Variants in PLPPR1 observed in about 807,000 individuals in gnomAD.
PLPPR1 encodes the protein phospholipid phosphatase-related protein type 1.
PLPPR1 carries 10 observed loss-of-function variants against 33.1 expected under a neutral mutation model. The observed-to-expected ratio is 0.30, with a 90% CI of 0.19 to 0.51. The LOEUF is 0.51. Among genes scored for constraint, PLPPR1 ranks in the 20% least tolerant of loss-of-function variants. PLPPR1 has a pLI of 0.97. For synonymous variants in PLPPR1, 151 were observed against 151.0 expected (o/e 1.00, Z 0.00); for missense variants, 304 against 408.1 (o/e 0.74, Z 2.20).
intron 2 of PLPPR1, among the ~76,000 whole-genome samples, chr9:101,222,738 TG>T (rs1315486716): frequency 2.0e-5 from 3 of 152,196 alleles, no homozygotes; most frequent in Admixed American, 1.3e-4. Flanking sequence ...TGAGTTTGCA[TG>T]GGAACAGTAG....
chr9:101,123,496 AT>A (rs1831201526), intron 1 of PLPPR1, among the ~76,000 whole-genome samples: 1 of 152,136 alleles, frequency 6.6e-6, no homozygotes, highest in African/African-American at 2.4e-5. Flanking sequence ...GAGTCAAAGG[AT>A]TGAGAAAAAG....
chr9:101,037,769 A>C (rs1256809876), intron 1 of PLPPR1, among the ~76,000 whole-genome samples: 1 of 152,068 alleles, frequency 6.6e-6, no homozygotes, highest in African/African-American at 2.4e-5. Flanking sequence ...TATTAACTGG[A>C]AAAAACATTA....
chr9:101,227,968 G>A (rs1827105375), intron 2 of PLPPR1, among the ~76,000 whole-genome samples: 1 of 152,072 alleles, frequency 6.6e-6, no homozygotes, highest in Non-Finnish European at 1.5e-5. Flanking sequence ...TAGCAGAGAT[G>A]GGGTTTCACC....
chr9:101,180,123 TATATATATATATATATATATAC>T (rs1171817794), intron 1 of PLPPR1, among the ~76,000 whole-genome samples: 3,515 of 42,916 alleles, frequency 0.082, 310 homozygotes, highest in African/African-American at 0.21. Flanking sequence ...TATATATATA[TATATATATATATATATATATAC>T]ACACACACAC....
At chr9:101,053,657 G>T (rs908980323) in intron 1 of PLPPR1, among the ~76,000 whole-genome samples, 2 of 152,158 alleles carry the variant, frequency 1.3e-5, no homozygotes, top group African/African-American at 4.8e-5. Context: ...TATGTTGAAT[G>T]AATGAACAAG....
intron 2 of PLPPR1, among the ~76,000 whole-genome samples, chr9:101,225,431 G>A (rs1438889663): frequency 6.6e-6 from 1 of 152,110 alleles, no homozygotes; most frequent in African/African-American, 2.4e-5. Flanking sequence ...CTCTGTGCAG[G>A]GCTGACTGGC....
At chr9:101,260,314 G>T (rs992794380) in intron 2 of PLPPR1, among the ~76,000 whole-genome samples, 3 of 152,106 alleles carry the variant, frequency 2.0e-5, no homozygotes, top group African/African-American at 7.2e-5. Context: ...CCTTAGGATG[G>T]TTAACTCTTT....
chr9:101,204,236 T>G (rs1826548628), intron 2 of PLPPR1, among the ~76,000 whole-genome samples: 1 of 152,160 alleles, frequency 6.6e-6, no homozygotes. Flanking sequence ...TCAAGCCCAT[T>G]GGAGATTTGT....
intron 1 of PLPPR1, among the ~76,000 whole-genome samples, chr9:101,059,634 T>A (rs1830319896): frequency 6.6e-6 from 1 of 151,896 alleles, no homozygotes; most frequent in South Asian, 2.1e-4. Context: ...CCACAAATAA[T>A]CAAATTAAAA....
chr9:101,119,478 G>T (rs1427167879), intron 1 of PLPPR1, among the ~76,000 whole-genome samples: 4 of 152,216 alleles, frequency 2.6e-5, no homozygotes, highest in Non-Finnish European at 5.9e-5. Context: ...TATCAGGACA[G>T]GTATCTGCAT....
chr9:101,287,834 A>G (rs750406998), intron 4 of PLPPR1, among the ~76,000 whole-genome samples: 1 of 152,124 alleles, frequency 6.6e-6, no homozygotes, highest in Non-Finnish European at 1.5e-5. Context: ...AGTTGTACAT[A>G]TGAAGAATCT....
chr9:101,155,602 C>CT (rs1422672005), intron 1 of PLPPR1, among the ~76,000 whole-genome samples: 1 of 95,234 alleles, frequency 1.1e-5, no homozygotes, highest in East Asian at 2.2e-4. Context: ...CTCTCTCTCT[C>CT]TCTTTTTTTT....
At chr9:101,212,961 C>T (rs895505008) in intron 2 of PLPPR1, among the ~76,000 whole-genome samples, 2 of 152,100 alleles carry the variant, frequency 1.3e-5, no homozygotes, top group Non-Finnish European at 2.9e-5. Context: ...TGTTCTCTGC[C>T]TGTTGTAGTC....
intron 4 of PLPPR1, among the ~76,000 whole-genome samples, chr9:101,289,271 C>T (rs926347012): frequency 3.9e-5 from 6 of 152,178 alleles, no homozygotes; most frequent in African/African-American, 7.2e-5. Flanking sequence ...CTAGTTGCCT[C>T]GTCTTCTAGG....
chr9:101,291,833 G>C (rs1025479071), intron 4 of PLPPR1, among the ~76,000 whole-genome samples: 1 of 152,158 alleles, frequency 6.6e-6, no homozygotes, highest in South Asian at 2.1e-4. Flanking sequence ...AAACGACAAA[G>C]ATGGGGAAAA....
chr9:101,307,594 A>G (rs1327950073), intron 4 of PLPPR1, among the ~76,000 whole-genome samples: 1 of 152,234 alleles, frequency 6.6e-6, no homozygotes, highest in African/African-American at 2.4e-5. Flanking sequence ...TCTCATTATG[A>G]TAAAGCACAT....
In PLPPR1 at chr9:101,269,973, G is replaced by A. The variant is rs368320785; in HGVS notation, c.157G>A (p.Gly53Arg). 1.2e-5 allele frequency: 20 copies of A among 1,614,042 alleles called. No homozygotes were observed. The East Asian group carries it at 2.7e-4, about 22-fold the overall frequency. ...VHIQGFFCQD[G>R]DLMKPYPGTE... is the part of the protein sequence containing the mutation. ...TATCCAAGGATTCTTCTGTCAGGAC[G>A]GAGACTTAATGAAGCCTTACCCAGG... The change falls in exon 3 of 8, where the codon GGA becomes AGA. Residue 53 changes from glycine (G) to arginine (R), a missense_variant. Transcript: ENST00000374874.
chr9:101,190,057 A>C (rs1826269435), intron 2 of PLPPR1, among the ~76,000 whole-genome samples: 1 of 152,122 alleles, frequency 6.6e-6, no homozygotes, highest in South Asian at 2.1e-4. Flanking sequence ...GGAATTTTGC[A>C]TAAATGTTTG....
intron 2 of PLPPR1, among the ~76,000 whole-genome samples, chr9:101,233,170 T>C (rs1827225502): frequency 6.6e-6 from 1 of 152,064 alleles, no homozygotes; most frequent in Non-Finnish European, 1.5e-5. Context: ...TCAACATATA[T>C]TTCATTTACC....
Sources: allele counts gnomAD v4.1 joint callset (sites outside exome capture counted in the v4.1 genomes callset), GRCh38; gene constraint gnomAD v4.1.1; transcripts MANE v1.5; gene names NCBI Gene and HGNC (gene_info 2026-07-23, HGNC 2026-07-21).